ZNF549: variants seen among roughly 807,000 people sequenced by gnomAD.
ZNF549 encodes the protein zinc finger protein 549.
In ZNF549, 11 loss-of-function variants were observed where a neutral mutation model predicts 11.1. That is an observed-to-expected ratio of 0.99 (90% CI 0.62 to 1.64). The LOEUF is 1.64. Among genes scored for constraint, ZNF549 ranks in the 40% most tolerant of loss-of-function variants. ZNF549 has a pLI of 0.00. For synonymous variants in ZNF549, 266 were observed against 269.1 expected (o/e 0.99, Z 0.11); for missense variants, 748 against 765.1 (o/e 0.98, Z 0.26).
Position 57,538,348 on chromosome 19 carries a change from C to T in ZNF549, c.1344C>T (p.Ile448=), listed in dbSNP as rs756306874. The change falls in exon 4 of 4, where the codon ATC becomes ATT. Residue 448 remains isoleucine, a synonymous_variant. Transcript: ENST00000376233. ...IHTGEKPYVC[I]ICGKSFIRSS... ...CTGGAGAAAAGCCTTATGTGTGCAT[C>T]ATATGTGGGAAATCATTTATCCGCT... The T allele has an allele frequency of 5.6e-6, 9 of 1,613,296 alleles. No individual in the cohort carries two copies. The highest frequency in any genetic ancestry group is 7.6e-6 in the Non-Finnish European group (9 of 1,179,842).
chr19:57,534,024 A>C (rs1232238547), intron 2 of ZNF549, among the ~76,000 whole-genome samples: 1 of 152,158 alleles, frequency 6.6e-6, no homozygotes, highest in Non-Finnish European at 1.5e-5. Context: ...GAGTTCAGGG[A>C]AGGGATCCAA....
Position 57,538,753 on chromosome 19 carries a change from G to A in ZNF549, c.1749G>A (p.Arg583=). Residue 583 remains arginine (R), a synonymous_variant, in exon 4 of 4, where the codon AGG becomes AGA. Transcript: ENST00000376233. The stretch of plus-strand genomic sequence containing the variant: ...ACCAGAAAGTTCACAGTGGAGAGAG[G>A]CCTTATAACTGCACTGCATGTGAGA... ...IQHQKVHSGE[R]PYNCTACEKA... 1 of 1,614,190 alleles carries A rather than the reference G, an allele frequency of 6.2e-7. No homozygotes were observed. The highest frequency in any genetic ancestry group is 2.2e-5 in the East Asian group (1 of 44,882).
intron 1 of ZNF549, 105 bp from the exon 2 acceptor site, chr19:57,530,965 G>C: frequency 1.9e-6 from 2 of 1,060,664 alleles, no homozygotes; most frequent in Non-Finnish European, 2.8e-6. Flanking sequence ...GGCAACCTCA[G>C]AGAGGTTAGG....
In ZNF549 at chr19:57,538,520, T is replaced by C; in HGVS notation, c.1516T>C (p.Cys506Arg). The change falls in exon 4 of 4, where the codon TGT (cysteine) becomes CGT (arginine). Residue 506 changes from cysteine (C) to arginine (R), a missense_variant. By Grantham distance (180) the Cys-to-Arg change is radical. Transcript: ENST00000376233. ...AGAAAGGCCTTATGAATGCAGTGAA[T>C]GTGGAAAAGGCTTCTACCTTGAGGT... ...TRERPYECSE[C>R]GKGFYLEVKL... 6.2e-7 allele frequency: 1 copy of C among 1,614,178 alleles called. No individual in the cohort carries two copies. Among genetic ancestry groups the C allele is most frequent in the Non-Finnish European group, 8.5e-7 (1 of 1,180,020 alleles).
chr19:57,528,672 C>T (rs749546764), intron 1 of ZNF549, among the ~76,000 whole-genome samples: 1 of 152,094 alleles, frequency 6.6e-6, no homozygotes, highest in Non-Finnish European at 1.5e-5. Flanking sequence ...GTAGAGTCAC[C>T]ATTCAGAAGA....
At chr19:57,532,676 G>A (rs114548890) in intron 2 of ZNF549, among the ~76,000 whole-genome samples, 1,845 of 152,272 alleles carry the variant, frequency 0.012, 40 homozygotes, top group African/African-American at 0.041. Context: ...TGAATATTCC[G>A]TGTGAGCTTG....
In ZNF549 at chr19:57,531,174, A is replaced by G. The variant is rs1024508404; in HGVS notation, c.72+66A>G. On this transcript the variant is annotated intron_variant, in intron 2 of 3. Coordinates refer to ENST00000376233, the MANE Select transcript of ZNF549 (RefSeq NM_001199295.2). ...CTAAAGCCATGGGTCTGGCCCACAG[A>G]TGCAGGTAACAATAATGTCCTGGGA... 9 of 1,539,802 alleles carry G rather than the reference A, an allele frequency of 5.8e-6. No individual in the cohort carries two copies. The African/African-American group carries it at 8.2e-5, about 14-fold the overall frequency.
rs2123304232 is a variant in ZNF549, at chr19:57,527,368, T to G, written c.-206T>G. On this transcript the variant is annotated 5_prime_UTR_variant, in exon 1 of 4. Coordinates refer to ENST00000376233, the MANE Select transcript of ZNF549 (RefSeq NM_001199295.2). ...TCCGGTGGTGGTCGTTTTTGCTGCC[T>G]GCGAGCGCGTCCGCGGGCTGGGCGT... 2.9e-6 allele frequency: 2 copies of G among 680,242 alleles called. No homozygotes were observed. Among genetic ancestry groups the G allele is most frequent in the East Asian group, 5.5e-5 (2 of 36,392 alleles). The allele number at this position is 680,242 out of a possible 1,614,324, so 42.1% of individuals were successfully genotyped here.
In ZNF549 at chr19:57,529,905, T is replaced by A. The variant is rs545983617; in HGVS notation, c.34-1165T>A. 1.0e-2 allele frequency among the ~76,000 whole-genome samples: 1,499 copies of A among 149,988 alleles called. 24 individuals carry two copies. The highest frequency in any genetic ancestry group is 0.034 in the African/African-American group (1,400 of 40,874). On this transcript the variant is annotated intron_variant, in intron 1 of 3. Transcript: ENST00000376233. ...CGTCTCCAAAAATAAATAAATAAAA[T>A]AAATAAATAAATAAATAAATAAAGG...
chr19:57,537,718 G>C lies in ZNF549; in HGVS notation c.714G>C (p.Gln238His), dbSNP rs772265092. 1.2e-5 allele frequency: 19 copies of C among 1,614,148 alleles called. No homozygotes were observed. Among genetic ancestry groups the C allele is most frequent in the Non-Finnish European group, 1.6e-5 (19 of 1,180,034 alleles). ...FNEKVHVTEH[Q>H]RVHTGEKAYK... Reference sequence around the variant, plus strand: ...AGAAAGTTCATGTTACTGAGCATCAGAGAGTCCACACTGGAGAAAAAGCTT... The same window carrying C: ...AGAAAGTTCATGTTACTGAGCATCACAGAGTCCACACTGGAGAAAAAGCTT... Residue 238 changes from glutamine (Q) to histidine (H), a missense_variant, in exon 4 of 4, where the codon CAG (glutamine) becomes CAC (histidine). Coordinates refer to ENST00000376233, the MANE Select transcript of ZNF549 (RefSeq NM_001199295.2).
chr19:57,537,784 C>T lies in ZNF549; in HGVS notation c.780C>T (p.Tyr260=). 1.9e-6 allele frequency: 3 copies of T among 1,614,134 alleles called. No individual in the cohort carries two copies. In the South Asian group the frequency reaches 3.3e-5, roughly 18 times the overall value. The change falls in exon 4 of 4, where the codon TAC becomes TAT. Residue 260 remains tyrosine (Y), a synonymous_variant. Coordinates refer to ENST00000376233, the MANE Select transcript of ZNF549 (RefSeq NM_001199295.2). ...REYGKSLNSK[Y]LFVEHQRTHN... ...ATGGGAAATCCTTGAACTCTAAATA[C>T]TTATTTGTTGAACACCAGAGAACCC...
At chr19:57,530,989 TCA>T in intron 1 of ZNF549, 79 bp from the exon 2 acceptor site, 1 of 1,362,436 alleles carries the variant, frequency 7.3e-7, no homozygotes, top group Non-Finnish European at 1.0e-6. Context: ...TTGTCTAGTG[TCA>T]CACAGTTGGC....
chr19:57,531,775 G>A (rs759102201), intron 2 of ZNF549, among the ~76,000 whole-genome samples: 6 of 152,198 alleles, frequency 3.9e-5, no homozygotes, highest in African/African-American at 4.8e-5. Context: ...GATGATTCAC[G>A]TCTTGGGCAG....
At position 57,527,557 on chromosome 19, in the gene ZNF549, G is replaced by T; in HGVS notation, c.-17G>T. 1.9e-6 allele frequency: 3 copies of T among 1,613,370 alleles called. No individual in the cohort carries two copies. Among genetic ancestry groups the T allele is most frequent in the Non-Finnish European group, 2.5e-6 (3 of 1,179,892 alleles). The stretch of plus-strand genomic sequence containing the variant: ...TTTACCGCCCGCCTTTCCAGGCCCC[G>T]CCCCGCCTAAAGTCCCATGGCCGAG... On this transcript the variant is annotated 5_prime_UTR_variant, in exon 1 of 4. Coordinates refer to ENST00000376233, the MANE Select transcript of ZNF549 (RefSeq NM_001199295.2).
At position 57,527,398 on chromosome 19, in the gene ZNF549, G is replaced by C; in HGVS notation, c.-176G>C. The C allele has an allele frequency of 2.3e-6, 2 of 887,660 alleles. No homozygotes were observed. The allele number at this position is 887,660 out of a possible 1,614,324, so 55.0% of individuals were successfully genotyped here. ...GCGCGTCCGCGGGCTGGGCGTTTCC[G>C]GCTCGCTGGGTCCGGGCCAGGTAAC... On this transcript the variant is annotated 5_prime_UTR_variant, in exon 1 of 4. Transcript: ENST00000376233.
At position 57,538,921 on chromosome 19, in the gene ZNF549, G is replaced by A. The variant is rs780482095; in HGVS notation, c.1917G>A (p.Glu639=). ...ACCAGAAGGTACATATAACAGAAGAGCCCTAGCAATTGTTGGGATGTGTAA... is the reference window on the plus strand; with the variant it reads ...ACCAGAAGGTACATATAACAGAAGAACCCTAGCAATTGTTGGGATGTGTAA... The part of the protein sequence containing the change: ...VRHQKVHITE[E]P The change falls in exon 4 of 4, where the codon GAG becomes GAA. Residue 639 remains glutamate, a synonymous_variant. Transcript: ENST00000376233. 1 of 1,597,488 alleles carries A rather than the reference G, an allele frequency of 6.3e-7. No homozygotes were observed. The highest frequency in any genetic ancestry group is 8.5e-7 in the Non-Finnish European group (1 of 1,176,706).
chr19:57,538,700 T>C lies in ZNF549; in HGVS notation c.1696T>C (p.Phe566Leu). The change falls in exon 4 of 4, where the codon TTT becomes CTT. Residue 566 changes from phenylalanine (F) to leucine (L), a missense_variant. Phe to Leu is a conservative substitution (Grantham distance 22). Transcript: ENST00000376233. ...TGAGTGCAGTGAATGTGGGAAATGC[T>C]TTAGACACCGCACCAGCCTCATTCA... The part of the protein sequence containing the change: ...PCECSECGKC[F>L]RHRTSLIQHQ... 1.2e-6 allele frequency: 2 copies of C among 1,614,174 alleles called. No individual in the cohort carries two copies. Among genetic ancestry groups the C allele is most frequent in the Non-Finnish European group, 1.7e-6 (2 of 1,180,012 alleles).
chr19:57,530,893 T>C (rs1221405796), intron 1 of ZNF549, among the ~76,000 whole-genome samples, 177 bp from the exon 2 acceptor site: 1 of 151,272 alleles, frequency 6.6e-6, no homozygotes, highest in African/African-American at 2.4e-5. Context: ...TATGAATGAG[T>C]TTGATGCCTA....
chr19:57,534,954 A>G (rs571430703), intron 2 of ZNF549, among the ~76,000 whole-genome samples, 190 bp from the exon 3 acceptor site: 2 of 152,324 alleles, frequency 1.3e-5, no homozygotes, highest in South Asian at 4.1e-4. Flanking sequence ...AGGTTTCAGT[A>G]TCTGGGTCTC....
Sources: gnomAD v4.1 joint callset for allele counts (sites outside exome capture counted in the v4.1 genomes callset) on GRCh38, gnomAD v4.1.1 for gene constraint, MANE v1.5 for transcripts, NCBI Gene and HGNC (gene_info 2026-07-23, HGNC 2026-07-21) for gene names.